IL6R: variants seen among roughly 807,000 people sequenced by gnomAD.
The protein encoded by IL6R is interleukin-6 receptor subunit alpha.
IL6R carries 38 observed loss-of-function variants against 48.3 expected under a neutral mutation model. The ratio of observed to expected loss-of-function variants is 0.79; its 90% CI spans 0.61 to 1.03. The LOEUF (loss-of-function observed/expected upper bound fraction) is 1.03, where lower values mean the gene tolerates loss of function less well. Ranked by LOEUF, IL6R falls within the 50% of genes least tolerant of loss-of-function variation. The pLI, the probability that IL6R is intolerant of heterozygous loss-of-function variation, is 0.00. For missense variants in IL6R, 534 were observed against 618.3 expected, an observed-to-expected ratio of 0.86 and a Z score of 1.45; for synonymous variants, 264 against 256.2, an observed-to-expected ratio of 1.03 and a Z score of -0.29.
intron 1 of IL6R, among the ~76,000 whole-genome samples, chr1:154,425,882 C>A (rs1688934858): frequency 6.6e-6 from 1 of 151,658 alleles, no homozygotes. Flanking sequence ...GAGTTGAAGA[C>A]CAGCCTGGGC....
rs118182104 is a variant in IL6R, at chr1:154,458,598, C to T, written c.1160+4017C>T. 4.6e-3 allele frequency among the ~76,000 whole-genome samples: 702 copies of T among 152,050 alleles called. 11 individuals are homozygous for T. Among genetic ancestry groups the T allele is most frequent in the East Asian group, 0.021 (109 of 5,142 alleles). ...GAAACTGAAGCTAAAAGAGATGGTG[C>T]GATAACAGCTAGTAAGAATAGGCCA... On this transcript the variant is annotated intron_variant, in intron 9 of 9. Coordinates refer to ENST00000368485, the MANE Select transcript of IL6R (RefSeq NM_000565.4).
chr1:154,448,289 G>C lies in IL6R; in HGVS notation c.996+118G>C. 1.0e-5 allele frequency: 8 copies of C among 772,992 alleles called. No individual in the cohort carries two copies. In the South Asian group the frequency reaches 1.2e-4, roughly 12 times the overall value. The allele number at this position is 772,992 out of a possible 1,614,324, so 47.9% of individuals were successfully genotyped here. On this transcript the variant is annotated intron_variant, in intron 7 of 9. Coordinates refer to ENST00000368485, the MANE Select transcript of IL6R (RefSeq NM_000565.4). ...TTCTGTCACTAGTAGAAATGTGGTC[G>C]TGGTGAGTTACCTGTGCTTTTCAAA...
Position 154,405,420 on chromosome 1 carries a change from G to A in IL6R, c.-210G>A. On this transcript the variant is annotated 5_prime_UTR_variant, in exon 1 of 10. Transcript: ENST00000368485. This position sits in a 1 kb window ranked among gnomAD's most constrained non-coding sequence, Gnocchi z 5.2. The stretch of plus-strand genomic sequence containing the variant: ...TGGGAAGTCGCACTGACACTGAGCC[G>A]GGCCAGAGGGAGAGGAGCCGAGCGC... The A allele has an allele frequency of 1.9e-6, 1 of 532,324 alleles. No homozygotes were observed. The highest frequency in any genetic ancestry group is 3.3e-6 in the Non-Finnish European group (1 of 305,248). The allele number at this position is 532,324 out of a possible 1,614,324, so 33.0% of individuals were successfully genotyped here.
At chr1:154,412,101 C>T (rs968928148) in intron 1 of IL6R, among the ~76,000 whole-genome samples, 1 of 151,406 alleles carries the variant, frequency 6.6e-6, no homozygotes, top group Non-Finnish European at 1.5e-5. Context: ...GCATCCGCCA[C>T]GACGCCTGGC....
chr1:154,438,943 A>C (rs4845622), intron 6 of IL6R, among the ~76,000 whole-genome samples: 49,533 of 152,018 alleles, frequency 0.33, 9,367 homozygotes, highest in Admixed American at 0.49. Flanking sequence ...CCTAACTACT[A>C]TATCTTACTT....
intron 1 of IL6R, among the ~76,000 whole-genome samples, chr1:154,417,790 G>T (rs1490404772): frequency 1.3e-5 from 2 of 149,074 alleles, no homozygotes; most frequent in Non-Finnish European, 3.0e-5. Flanking sequence ...GCCCAGGCTG[G>T]AGTGCAGTGG....
At chr1:154,408,310 C>T (rs1687845445) in intron 1 of IL6R, among the ~76,000 whole-genome samples, 1 of 152,166 alleles carries the variant, frequency 6.6e-6, no homozygotes, top group South Asian at 2.1e-4. Flanking sequence ...TCTCTCCTTG[C>T]TTTGGCTTGC....
At chr1:154,440,647 A>G in intron 6 of IL6R, among the ~76,000 whole-genome samples, 1 of 141,444 alleles carries the variant, frequency 7.1e-6, no homozygotes, top group South Asian at 2.2e-4. Context: ...TTCCCTAATG[A>G]TTAATGTCTT....
chr1:154,413,242 C>T (rs1290085324), intron 1 of IL6R, among the ~76,000 whole-genome samples: 1 of 152,222 alleles, frequency 6.6e-6, no homozygotes, highest in East Asian at 1.9e-4. Context: ...CCTCGTGATC[C>T]ACCCACCTTG....
intron 6 of IL6R, among the ~76,000 whole-genome samples, chr1:154,443,971 A>G (rs1690070983): frequency 6.6e-6 from 1 of 151,836 alleles, no homozygotes. Context: ...GAGCTTGCAC[A>G]TCGCACCAAA....
intron 9 of IL6R, among the ~76,000 whole-genome samples, chr1:154,459,116 C>G (rs1182099140): frequency 6.6e-6 from 1 of 152,084 alleles, no homozygotes; most frequent in Non-Finnish European, 1.5e-5. Flanking sequence ...AGAGCTGGGC[C>G]CAGCTGGTCC....
intron 1 of IL6R, among the ~76,000 whole-genome samples, chr1:154,413,829 ATCTC>A (rs369231171): frequency 3.7e-4 from 41 of 112,140 alleles, no homozygotes; most frequent in Middle Eastern, 6.7e-3. Context: ...CTTTTTTTCC[ATCTC>A]TCTCTCTCTC....
chr1:154,415,970 AAAAAT>A (rs1384060454), intron 1 of IL6R, among the ~76,000 whole-genome samples: 1 of 152,228 alleles, frequency 6.6e-6, no homozygotes. Context: ...CATCTCAAAA[AAAAAT>A]AAAATAAAAT....
At chr1:154,454,350 T>A in intron 8 of IL6R, 138 bp from the exon 9 acceptor site, 1 of 625,410 alleles carries the variant, frequency 1.6e-6, no homozygotes, top group Non-Finnish European at 2.8e-6. Flanking sequence ...GCTGTTTCAT[T>A]TTCTGGGAGG....
chr1:154,432,558 A>C (rs981490884), intron 3 of IL6R, among the ~76,000 whole-genome samples: 1 of 152,110 alleles, frequency 6.6e-6, no homozygotes, highest in African/African-American at 2.4e-5. Flanking sequence ...AGGTTTCACC[A>C]TGTTAGCGGG....
rs144766904 is a variant in IL6R at position 154,412,715 on chromosome 1, T to A, written c.85+7001T>A. Among the ~76,000 whole-genome samples, 363 of 152,288 alleles carry A rather than the reference T, an allele frequency of 2.4e-3. 1 individual carries two copies. Among genetic ancestry groups the A allele is most frequent in the African/African-American group, 8.1e-3 (337 of 41,564 alleles). On this transcript the variant is annotated intron_variant, in intron 1 of 9. Transcript: ENST00000368485. ...TATGTTCTGAAAATAGTGCTGAGGT[T>A]TTTGCATTAATTATCTAATGTAATC...
chr1:154,468,388 C>T lies in IL6R; in HGVS notation c.*3008C>T, dbSNP rs1381008178. The T allele has an allele frequency of 2.6e-5, 4 of 152,348 alleles. No individual in the cohort carries two copies. Among genetic ancestry groups the T allele is most frequent in the South Asian group, 2.1e-4 (1 of 4,834 alleles). 9.4% of individuals were successfully genotyped at this position (152,348 alleles called of 1,614,324 possible). On this transcript the variant is annotated 3_prime_UTR_variant, in exon 10 of 10. Coordinates refer to ENST00000368485, the MANE Select transcript of IL6R (RefSeq NM_000565.4). ...CAGAGACCATTTAGGTTAAATACGA[C>T]AGCTTATCCTGCTGGGTGGGGAAAG...
intron 9 of IL6R, among the ~76,000 whole-genome samples, chr1:154,456,757 A>C (rs1236395007): frequency 6.6e-6 from 1 of 152,112 alleles, no homozygotes; most frequent in East Asian, 1.9e-4. Flanking sequence ...CTTGGCAGGC[A>C]ACACAGATCG....
At chr1:154,447,419 A>G (rs1348025139) in intron 6 of IL6R, among the ~76,000 whole-genome samples, 6 of 123,088 alleles carry the variant, frequency 4.9e-5, no homozygotes, top group Non-Finnish European at 1.0e-4. Context: ...AGCCTGGGCA[A>G]AAGAGTGAAA....
Sources: gnomAD v4.1 joint callset for allele counts (sites outside exome capture counted in the v4.1 genomes callset) on GRCh38, gnomAD v4.1.1 for gene constraint, Gnocchi (gnomAD v3.1) non-coding constraint, MANE v1.5 for transcripts, NCBI Gene and HGNC (gene_info 2026-07-23, HGNC 2026-07-21) for gene names.